Variants in RGPD4 observed in about 807,000 individuals in gnomAD.
RGPD4 encodes the protein ranBP2-like and GRIP domain-containing protein 4.
RGPD4 carries 84 observed loss-of-function variants against 141.1 expected under a neutral mutation model. The observed-to-expected ratio is 0.60, with a 90% CI of 0.50 to 0.71. RGPD4 has a LOEUF of 0.71. Among genes scored for constraint, RGPD4 ranks in the 30% least tolerant of loss-of-function variants. The probability of loss-of-function intolerance (pLI) is 0.00; values close to 1 mark genes in which losing one functional copy is unlikely to be tolerated. For synonymous variants in RGPD4, 298 were observed against 566.8 expected, an observed-to-expected ratio of 0.53 and a Z score of 6.74; for missense variants, 918 against 1,622.4, an observed-to-expected ratio of 0.57 and a Z score of 7.46.
In RGPD4 at chr2:107,859,814, T is replaced by C; in HGVS notation, c.1727T>C (p.Leu576Pro). The C allele has an allele frequency of 1.2e-6, 2 of 1,606,700 alleles. No individual in the cohort carries two copies. The highest frequency in any genetic ancestry group is 1.1e-5 in the South Asian group (1 of 89,700). ...QEKHGLQPAL[L>P]VHWAKCLQKM... ...AAACATGGCCTTCAACCTGCTCTGC[T>C]TGTACATTGGGCAAAATGCCTTCAG... The change falls in exon 12 of 23, where the codon CTT (leucine) becomes CCT (proline). Residue 576 changes from leucine (L) to proline (P), a missense_variant. Physicochemically the swap from Leu to Pro is moderately conservative, Grantham distance 98 (BLOSUM62 -3). Transcript: ENST00000408999.
intron 22 of RGPD4, among the ~76,000 whole-genome samples, chr2:107,886,261 C>A (rs1249724914): frequency 8.0e-6 from 1 of 125,638 alleles, no homozygotes; most frequent in Admixed American, 8.3e-5. Flanking sequence ...GATATCTATC[C>A]ACAGATTCAA....
chr2:107,829,325 G>A (rs111715338), intron 1 of RGPD4, among the ~76,000 whole-genome samples: 673 of 36,490 alleles, frequency 0.018, 188 homozygotes, highest in African/African-American at 0.092. Context: ...CCCGATGGGC[G>A]CTGCTCCCTG....
At chr2:107,853,446 T>TC (rs1553446020) in intron 7 of RGPD4, among the ~76,000 whole-genome samples, 1 of 144,520 alleles carries the variant, frequency 6.9e-6, no homozygotes, top group African/African-American at 2.6e-5. Context: ...TGCTTTTTTT[T>TC]TTCCATAGGT....
At chr2:107,840,104 C>T (rs1181079757) in intron 4 of RGPD4, among the ~76,000 whole-genome samples, 8 of 149,442 alleles carry the variant, frequency 5.4e-5, no homozygotes, top group Admixed American at 6.7e-5. Flanking sequence ...CATTTTATCA[C>T]GTGTAGATTC....
chr2:107,833,378 G>A (rs1318311585), intron 1 of RGPD4, among the ~76,000 whole-genome samples: 1 of 152,138 alleles, frequency 6.6e-6, no homozygotes, highest in Non-Finnish European at 1.5e-5. Context: ...TACTGTTCCT[G>A]TTTTCAGCCC....
rs1208338761 is a variant in RGPD4 at position 107,838,621 on chromosome 2, T to G, written c.253-191T>G. 5.5e-5 allele frequency among the ~76,000 whole-genome samples: 4 copies of G among 72,492 alleles called. 2 individuals are homozygous for G. Among genetic ancestry groups the G allele is most frequent in the African/African-American group, 2.3e-4 (4 of 17,052 alleles). The allele number at this position is 72,492 out of a possible 152,430, so 47.6% of individuals were successfully genotyped here. ...TGACACAAATATAATTTTTATTTGG[T>G]TCATTTCCAGAAAATTCCAAGACAC... On this transcript the variant is annotated intron_variant, in intron 3 of 22. Transcript: ENST00000408999.
chr2:107,888,955 A>G (rs1432377689), intron 22 of RGPD4, among the ~76,000 whole-genome samples: 2 of 133,964 alleles, frequency 1.5e-5, no homozygotes, highest in African/African-American at 3.1e-5. Flanking sequence ...TGAAATAAAT[A>G]TGTGTTAAGG....
intron 20 of RGPD4, among the ~76,000 whole-genome samples, chr2:107,874,780 G>A (rs1683042523): frequency 6.6e-6 from 1 of 151,260 alleles, no homozygotes. Context: ...GTAAACTGTG[G>A]CCAAGAGAGG....
intron 22 of RGPD4, among the ~76,000 whole-genome samples, chr2:107,885,390 G>A (rs1295410758): frequency 6.6e-6 from 1 of 152,158 alleles, no homozygotes; most frequent in South Asian, 2.1e-4. Flanking sequence ...AAAATACTGA[G>A]CATGTCTAAC....
At chr2:107,887,270 A>C (rs1675542488) in intron 22 of RGPD4, among the ~76,000 whole-genome samples, 1 of 152,118 alleles carries the variant, frequency 6.6e-6, no homozygotes, top group African/African-American at 2.4e-5. Flanking sequence ...AAAAATTAAG[A>C]AATAAAAATA....
chr2:107,872,592 A>C lies in RGPD4; in HGVS notation c.4588A>C (p.Thr1530Pro), dbSNP rs2556257. The change falls in exon 20 of 23, where the codon ACA becomes CCA. Residue 1530 changes from threonine (T) to proline (P), a missense_variant. Coordinates refer to ENST00000408999, the MANE Select transcript of RGPD4 (RefSeq NM_182588.3). ...VEVSSTSETT[T>P]KAVVSPPKFV... ...AGTGTCTAGCACATCTGAAACAACA[A>C]CAAAAGCAGTGGTTTCTCCTCCAAA... 3,486 of 1,596,414 alleles carry C rather than the reference A, an allele frequency of 2.2e-3. 91 individuals are homozygous for C. In the Admixed American group the frequency reaches 0.05, roughly 23 times the overall value.
chr2:107,851,231 C>A (rs1682107137), intron 7 of RGPD4, among the ~76,000 whole-genome samples: 1 of 88,700 alleles, frequency 1.1e-5, no homozygotes, highest in Non-Finnish European at 2.4e-5. Flanking sequence ...GCTTCAGCCT[C>A]AGCTCGGTAG....
At chr2:107,855,768 T>TGAG (rs1183346403) in intron 8 of RGPD4, among the ~76,000 whole-genome samples, 1 of 99,950 alleles carries the variant, frequency 1.0e-5, no homozygotes, top group Non-Finnish European at 2.0e-5. Context: ...CATCACTCCA[T>TGAG]GAGGAATTCC....
At chr2:107,874,881 T>C (rs6714075) in intron 20 of RGPD4, among the ~76,000 whole-genome samples, 4,376 of 151,196 alleles carry the variant, frequency 0.029, 120 homozygotes, top group Non-Finnish European at 0.039. Flanking sequence ...TTCTCCTAGC[T>C]AGGAAATGAT....
chr2:107,827,568 G>A (rs1344362826), intron 1 of RGPD4, among the ~76,000 whole-genome samples: 1 of 46,426 alleles, frequency 2.2e-5, no homozygotes, highest in Non-Finnish European at 4.2e-5. Context: ...GCTCCCTGGC[G>A]CGCTCTGTTG....
chr2:107,873,590 A>G (rs6542739), intron 20 of RGPD4, among the ~76,000 whole-genome samples: 1 of 115,526 alleles, frequency 8.7e-6, no homozygotes. Flanking sequence ...AAAAAAAAAA[A>G]AAAAAAAAAA....
At chr2:107,851,858 ACT>A (rs1450611331) in intron 7 of RGPD4, among the ~76,000 whole-genome samples, 1 of 133,726 alleles carries the variant, frequency 7.5e-6, no homozygotes, top group African/African-American at 2.8e-5. Context: ...AGATTTTCAG[ACT>A]CTTAATCAGA....
chr2:107,862,522 AAG>A (rs1382933005), intron 15 of RGPD4, among the ~76,000 whole-genome samples, 158 bp from the exon 16 acceptor site: 4 of 151,502 alleles, frequency 2.6e-5, no homozygotes, highest in Non-Finnish European at 4.4e-5. Flanking sequence ...ACAAAGAAAA[AAG>A]ATAATTAAAA....
At chr2:107,844,912 T>A (rs1681868876) in intron 6 of RGPD4, among the ~76,000 whole-genome samples, 1 of 115,312 alleles carries the variant, frequency 8.7e-6, no homozygotes, top group African/African-American at 3.4e-5. Flanking sequence ...CTTGACTCAC[T>A]GTAACCTCTG....
Sources: allele counts gnomAD v4.1 joint callset (sites outside exome capture counted in the v4.1 genomes callset), GRCh38; gene constraint gnomAD v4.1.1; transcripts MANE v1.5; gene names NCBI Gene and HGNC (gene_info 2026-07-23, HGNC 2026-07-21).